The following LDB2 variants were observed in gnomAD, a reference collection of about 807,000 sequenced individuals.
LDB2 encodes LIM domain binding 2, also known as LIM domain-binding protein 2.
LDB2 carries 12 observed loss-of-function variants against 44.3 expected under a neutral mutation model. The observed-to-expected ratio is 0.27, with a 90% confidence interval of 0.17 to 0.44. The LOEUF is 0.44. LDB2 is among the 20% of genes least tolerant of loss of function. The pLI is 1.00. For missense variants in LDB2, 344 were observed against 473.5 expected, an observed-to-expected ratio of 0.73 and a Z score of 2.54; for synonymous variants, 164 against 174.8, an observed-to-expected ratio of 0.94 and a Z score of 0.49.
chr4:16,519,055 T>C (rs1446725635), intron 5 of LDB2, among the ~76,000 whole-genome samples: 2 of 152,224 alleles, frequency 1.3e-5, no homozygotes, highest in African/African-American at 2.4e-5. Flanking sequence ...CCAGTGTTTA[T>C]ATTTGCATTA....
At chr4:16,614,534 A>G (rs1315874068) in intron 2 of LDB2, among the ~76,000 whole-genome samples, 1 of 151,630 alleles carries the variant, frequency 6.6e-6, no homozygotes, top group Non-Finnish European at 1.5e-5. Context: ...ACAAAGGTCT[A>G]ATATCCAGAA....
At chr4:16,698,776 C>T (rs1348704932) in intron 2 of LDB2, among the ~76,000 whole-genome samples, 1 of 152,048 alleles carries the variant, frequency 6.6e-6, no homozygotes, top group Non-Finnish European at 1.5e-5. Flanking sequence ...TAAATGCAAA[C>T]TTATTATTTT....
chr4:16,600,164 G>A (rs995066053), intron 2 of LDB2, among the ~76,000 whole-genome samples: 3 of 152,070 alleles, frequency 2.0e-5, no homozygotes, highest in Non-Finnish European at 2.9e-5. Flanking sequence ...TAGGTTCAGC[G>A]GTCACCTAAC....
intron 2 of LDB2, among the ~76,000 whole-genome samples, chr4:16,746,408 A>C (rs1561081460): frequency 6.6e-6 from 1 of 152,046 alleles, no homozygotes; most frequent in Non-Finnish European, 1.5e-5. Flanking sequence ...TTTTAGCCAA[A>C]GCCACGGCTA....
chr4:16,558,453 G>C (rs1740645373), intron 5 of LDB2, among the ~76,000 whole-genome samples: 1 of 152,166 alleles, frequency 6.6e-6, no homozygotes, highest in South Asian at 2.1e-4. Context: ...TGGAAGAAAG[G>C]GTATCAGTGA....
intron 5 of LDB2, among the ~76,000 whole-genome samples, chr4:16,573,974 C>T (rs185238917): frequency 8.8e-4 from 134 of 152,292 alleles, no homozygotes; most frequent in Non-Finnish European, 1.5e-3. Flanking sequence ...GGCCGGATTC[C>T]AAATGCTGAC....
At chr4:16,748,598 G>A (rs1764832858) in intron 2 of LDB2, among the ~76,000 whole-genome samples, 1 of 152,090 alleles carries the variant, frequency 6.6e-6, no homozygotes, top group African/African-American at 2.4e-5. Flanking sequence ...CATAAATAAG[G>A]TGTGTTCACA....
At chr4:16,829,468 T>C (rs1486895085) in intron 1 of LDB2, among the ~76,000 whole-genome samples, 1 of 152,232 alleles carries the variant, frequency 6.6e-6, no homozygotes, top group Admixed American at 6.5e-5. Context: ...CGTGTGTCTA[T>C]ATGCTGCTTT....
intron 2 of LDB2, among the ~76,000 whole-genome samples, chr4:16,714,476 G>T (rs1472120258): frequency 6.6e-6 from 1 of 152,014 alleles, no homozygotes; most frequent in African/African-American, 2.4e-5. Context: ...GTGTAGCTTT[G>T]GGCAAGCTCT....
intron 2 of LDB2, chr4:16,752,349 C>T: frequency 2.4e-6 from 1 of 418,738 alleles, no homozygotes; most frequent in Non-Finnish European, 4.7e-6. Context: ...GAAAATCTCA[C>T]CCTCTGTTGG....
At chr4:16,529,811 C>T (rs1442941387) in intron 5 of LDB2, among the ~76,000 whole-genome samples, 1 of 152,184 alleles carries the variant, frequency 6.6e-6, no homozygotes, top group Non-Finnish European at 1.5e-5. Context: ...GCTTCAGCCT[C>T]CACTTTTTTT....
At chr4:16,672,734 C>A (rs1197734000) in intron 2 of LDB2, among the ~76,000 whole-genome samples, 1 of 152,120 alleles carries the variant, frequency 6.6e-6, no homozygotes, top group African/African-American at 2.4e-5. Flanking sequence ...TCAGGAAAAT[C>A]ACAAACAATA....
At chr4:16,830,310 A>G (rs533286589) in intron 1 of LDB2, among the ~76,000 whole-genome samples, 3 of 152,140 alleles carry the variant, frequency 2.0e-5, no homozygotes, top group Non-Finnish European at 2.9e-5. Context: ...AGGAAATCGG[A>G]TGGTTTTTGT....
chr4:16,668,279 T>G (rs1379322023), intron 2 of LDB2, among the ~76,000 whole-genome samples: 1 of 152,148 alleles, frequency 6.6e-6, no homozygotes, highest in Non-Finnish European at 1.5e-5. Flanking sequence ...AGACCCTGGA[T>G]GGACACAATC....
In LDB2 at chr4:16,693,347, CT is replaced by C. The variant is rs71181181; in HGVS notation, c.235+65810del. On this transcript the variant is annotated intron_variant, in intron 2 of 7. Transcript: ENST00000304523. ...CTACTTGTTCCCTAGAGCAATAGTT[CT>C]TTTTTTTTTTTTTTTTTTTTTGAGA... is the stretch of plus-strand genomic sequence containing the variant. 8.4e-3 allele frequency among the ~76,000 whole-genome samples: 937 copies of C among 112,096 alleles called. 5 individuals carry two copies. The highest frequency in any genetic ancestry group is 0.021 in the Middle Eastern group (4 of 194). 73.5% of individuals were successfully genotyped at this position (112,096 alleles called of 152,430 possible). A position where few individuals can be genotyped will look rare whatever the true frequency, so the allele number is the denominator to read the frequency against.
intron 2 of LDB2, among the ~76,000 whole-genome samples, chr4:16,705,357 A>G (rs899949677): frequency 6.6e-6 from 1 of 152,070 alleles, no homozygotes; most frequent in Non-Finnish European, 1.5e-5. Context: ...GGGTGTGACC[A>G]TGTGACATTT....
intron 2 of LDB2, among the ~76,000 whole-genome samples, chr4:16,611,286 A>G (rs1253749339): frequency 6.6e-6 from 1 of 152,224 alleles, no homozygotes; most frequent in Non-Finnish European, 1.5e-5. Flanking sequence ...GACCAATGAC[A>G]CTACAAAGAA....
intron 2 of LDB2, among the ~76,000 whole-genome samples, chr4:16,665,855 T>A (rs1167920063): frequency 2.0e-5 from 3 of 151,546 alleles, no homozygotes; most frequent in Non-Finnish European, 4.4e-5. Context: ...TCCTTATAGG[T>A]GAAGAGAAGG....
intron 5 of LDB2, among the ~76,000 whole-genome samples, chr4:16,571,838 T>C (rs1353617494): frequency 6.6e-6 from 1 of 152,226 alleles, no homozygotes; most frequent in African/African-American, 2.4e-5. Context: ...TGGTAAACAC[T>C]TATAGCTGTT....
Sources: gnomAD v4.1 joint callset for allele counts (sites outside exome capture counted in the v4.1 genomes callset) on GRCh38, gnomAD v4.1.1 for gene constraint, MANE v1.5 for transcripts, NCBI Gene and HGNC (gene_info 2026-07-23, HGNC 2026-07-21) for gene names.